Variants in UGT1A10 observed in about 807,000 individuals in gnomAD.
The protein encoded by UGT1A10 is UDP-glucuronosyltransferase 1A10.
UGT1A10 carries 49 observed loss-of-function variants against 45.8 expected under a neutral mutation model. That is an observed-to-expected ratio of 1.07 (90% CI 0.85 to 1.36). UGT1A10 has a LOEUF of 1.36. Among genes scored for constraint, UGT1A10 ranks in the 40% most tolerant of loss-of-function variants. The pLI, the probability that UGT1A10 is intolerant of heterozygous loss-of-function variation, is 0.00. For missense variants in UGT1A10, 745 were observed against 668.6 expected, an observed-to-expected ratio of 1.11 and a Z score of -1.26; for synonymous variants, 284 against 249.7, an observed-to-expected ratio of 1.14 and a Z score of -1.29.
At chr2:233,754,239 C>A in intron 1 of UGT1A10, 1 of 170,838 alleles carries the variant, frequency 5.9e-6, no homozygotes. Flanking sequence ...CTGGCTCACA[C>A]TTTCCCAACG....
intron 1 of UGT1A10, chr2:233,672,718 C>A: frequency 6.2e-7 from 1 of 1,613,902 alleles, no homozygotes; most frequent in Non-Finnish European, 8.5e-7. Context: ...TTTGGACTAT[C>A]CCAAACCCGT....
At position 233,743,636 on chromosome 2, in the gene UGT1A10, C is replaced by T. The variant is rs764566878; in HGVS notation, c.856-23398C>T. 27 of 1,367,194 alleles carry T rather than the reference C, an allele frequency of 2.0e-5. 2 individuals are homozygous for T. The African/African-American group carries it at 2.2e-4, about 11-fold the overall frequency. The allele number at this position is 1,367,194 out of a possible 1,614,324, so 84.7% of individuals were successfully genotyped here. A position where few individuals can be genotyped will look rare whatever the true frequency, so the allele number is the denominator to read the frequency against. On this transcript the variant is annotated intron_variant, in intron 1 of 4. Transcript: ENST00000344644. Reference sequence around the variant, plus strand: ...CTCCCTGAAGACGTCGGCTGGGTCGCGGAAGCTGAAGACGTACTCGAAGGG... The same window carrying T: ...CTCCCTGAAGACGTCGGCTGGGTCGTGGAAGCTGAAGACGTACTCGAAGGG...
chr2:233,735,048 A>G lies in UGT1A10; in HGVS notation c.856-31986A>G, dbSNP rs536875851. On this transcript the variant is annotated intron_variant, in intron 1 of 4. Coordinates refer to ENST00000344644, the MANE Select transcript of UGT1A10 (RefSeq NM_019075.4). ...ATTAGGTCTGCTTGGTGCAGAGCTG[A>G]GTTCAGGTCCTGGATATCCTTGTTA... Among the ~76,000 whole-genome samples the G allele has an allele frequency of 3.9e-5, 6 of 152,322 alleles. No individual in the cohort carries two copies. The South Asian group carries it at 1.2e-3, about 32-fold the overall frequency.
intron 1 of UGT1A10, among the ~76,000 whole-genome samples, chr2:233,687,614 A>T (rs1192201082): frequency 1.3e-5 from 2 of 151,552 alleles, no homozygotes; most frequent in Admixed American, 6.6e-5. Flanking sequence ...AAAAGGAAAG[A>T]AAAAAAGGCT....
At chr2:233,734,121 T>A (rs76091685) in intron 1 of UGT1A10, among the ~76,000 whole-genome samples, 3,256 of 151,966 alleles carry the variant, frequency 0.021, 102 homozygotes, top group African/African-American at 0.073. Context: ...ATAATAATAA[T>A]AAAAAGAATT....
chr2:233,736,493 C>T (rs1043320010), intron 1 of UGT1A10, among the ~76,000 whole-genome samples: 3 of 152,222 alleles, frequency 2.0e-5, no homozygotes, highest in Non-Finnish European at 2.9e-5. Flanking sequence ...TACTACCAAA[C>T]TTCTGAAGCC....
intron 1 of UGT1A10, chr2:233,693,021 G>T: frequency 6.2e-7 from 1 of 1,614,090 alleles, no homozygotes. Flanking sequence ...TGCCTCCTTC[G>T]CTCATTTCAG....
At chr2:233,664,301 C>T (rs1030849861) in intron 1 of UGT1A10, among the ~76,000 whole-genome samples, 5 of 152,180 alleles carry the variant, frequency 3.3e-5, no homozygotes, top group African/African-American at 1.2e-4. Context: ...ACTCTTCAAA[C>T]GTCTGCCTGC....
At chr2:233,688,622 G>C (rs2074906157) in intron 1 of UGT1A10, among the ~76,000 whole-genome samples, 1 of 152,166 alleles carries the variant, frequency 6.6e-6, no homozygotes, top group South Asian at 2.1e-4. Context: ...GCAAACATGA[G>C]TTCGTCTTGT....
At chr2:233,710,728 A>G (rs1187864039) in intron 1 of UGT1A10, among the ~76,000 whole-genome samples, 1 of 152,210 alleles carries the variant, frequency 6.6e-6, no homozygotes, top group African/African-American at 2.4e-5. Flanking sequence ...TTAAAAAACA[A>G]CGTCTTTCAA....
intron 1 of UGT1A10, among the ~76,000 whole-genome samples, chr2:233,662,961 A>G (rs1289384367): frequency 2.0e-5 from 3 of 151,862 alleles, no homozygotes; most frequent in Non-Finnish European, 2.9e-5. Context: ...TATTTATTTT[A>G]TCATTAATTA....
intron 1 of UGT1A10, chr2:233,693,980 G>T: frequency 6.4e-7 from 1 of 1,558,524 alleles, no homozygotes. Context: ...GAAACGGTGG[G>T]GGGAAGTGAT....
Position 233,637,472 on chromosome 2 carries a change from T to C in UGT1A10, c.855+95T>C, listed in dbSNP as rs1233448098. ...AACTGTGATTTGACATTTTCGTTTGTTGCATTTCAAATTTCTTTCCAGTTT... is the reference window on the plus strand; with the variant it reads ...AACTGTGATTTGACATTTTCGTTTGCTGCATTTCAAATTTCTTTCCAGTTT... On this transcript the variant is annotated intron_variant, in intron 1 of 4. Transcript: ENST00000344644. 8 of 1,500,884 alleles carry C rather than the reference T, an allele frequency of 5.3e-6. No homozygotes were observed. The Admixed American group carries it at 1.8e-4, about 34-fold the overall frequency. 93.0% of individuals were successfully genotyped at this position (1,500,884 alleles called of 1,614,324 possible). A position where few individuals can be genotyped will look rare whatever the true frequency, so the allele number is the denominator to read the frequency against.
chr2:233,753,747 C>A (rs1162212818), intron 1 of UGT1A10: 2 of 152,344 alleles, frequency 1.3e-5, no homozygotes, highest in African/African-American at 4.8e-5. Context: ...AGCAATAGGA[C>A]AGTTTTGCGT....
In UGT1A10 at chr2:233,636,833, G is replaced by A. The variant is rs1220672503; in HGVS notation, c.311G>A (p.Ser104Asn). ...AHAQWKAQAQ[S>N]IFSLLMSSSS... ...GCTCAATGGAAAGCACAGGCACAAA[G>A]TATATTTTCTCTATTAATGAGTTCA... Residue 104 changes from serine (S) to asparagine (N), a missense_variant, in exon 1 of 5, where the codon AGT becomes AAT. Coordinates refer to ENST00000344644, the MANE Select transcript of UGT1A10 (RefSeq NM_019075.4). 4 of 1,614,192 alleles carry A rather than the reference G, an allele frequency of 2.5e-6. No individual in the cohort carries two copies. The highest frequency in any genetic ancestry group is 3.4e-6 in the Non-Finnish European group (4 of 1,180,032).
At chr2:233,724,531 C>T (rs557040072) in intron 1 of UGT1A10, among the ~76,000 whole-genome samples, 5 of 121,606 alleles carry the variant, frequency 4.1e-5, no homozygotes, top group Admixed American at 8.0e-5. Context: ...GGGGTCTCGC[C>T]GGGCAGAGGC....
chr2:233,760,180 T>C (rs1376949252), intron 1 of UGT1A10: 1 of 1,548,272 alleles, frequency 6.5e-7, no homozygotes, highest in Non-Finnish European at 8.7e-7. Flanking sequence ...GACAGCTTTT[T>C]ATAGTCACGT....
intron 1 of UGT1A10, among the ~76,000 whole-genome samples, chr2:233,701,182 A>G (rs1030234250): frequency 6.6e-6 from 1 of 152,142 alleles, no homozygotes. Context: ...ATAAACATAC[A>G]TGTGCATGTG....
chr2:233,725,073 G>A (rs1490927388), intron 1 of UGT1A10, among the ~76,000 whole-genome samples: 1 of 145,046 alleles, frequency 6.9e-6, no homozygotes, highest in Non-Finnish European at 1.5e-5. Context: ...TGCAATCGCA[G>A]GCACTCGGCA....
Sources: allele counts gnomAD v4.1 joint callset (sites outside exome capture counted in the v4.1 genomes callset), GRCh38; gene constraint gnomAD v4.1.1; transcripts MANE v1.5; gene names NCBI Gene and HGNC (gene_info 2026-07-23, HGNC 2026-07-21).